AGO3: variants seen among roughly 807,000 people sequenced by gnomAD.
AGO3 encodes the protein argonaute RISC catalytic component 3.
AGO3 carries 16 observed loss-of-function variants against 105.5 expected under a neutral mutation model. The ratio of observed to expected loss-of-function variants is 0.15; its 90% confidence interval spans 0.10 to 0.23. AGO3 has a LOEUF of 0.23. AGO3 is among the 10% of genes least tolerant of loss of function. The pLI, the probability that AGO3 is intolerant of heterozygous loss-of-function variation, is 1.00. For missense variants in AGO3, 534 were observed against 1,088.0 expected (o/e 0.49, Z 7.16); for synonymous variants, 340 against 367.3 (o/e 0.93, Z 0.85).
chr1:35,940,598 G>A (rs1646236217), intron 1 of AGO3, among the ~76,000 whole-genome samples: 1 of 151,962 alleles, frequency 6.6e-6, no homozygotes, highest in African/African-American at 2.4e-5. Flanking sequence ...TGGATCCAAG[G>A]GCTTGATCAA....
At chr1:35,945,541 CAG>C in intron 1 of AGO3, 149 bp from the exon 2 acceptor site, 1 of 741,208 alleles carries the variant, frequency 1.3e-6, no homozygotes, top group Non-Finnish European at 2.2e-6. Flanking sequence ...TCTGGGGTGA[CAG>C]AAGTTGAAGT....
At chr1:36,002,012 AT>A (rs1412598260) in intron 5 of AGO3, among the ~76,000 whole-genome samples, 1 of 152,126 alleles carries the variant, frequency 6.6e-6, no homozygotes, top group African/African-American at 2.4e-5. Context: ...GTAGTAAAAA[AT>A]ATGTTAAAAA....
intron 2 of AGO3, among the ~76,000 whole-genome samples, chr1:35,965,820 CTTT>C (rs925988577): frequency 8.3e-6 from 1 of 120,166 alleles, no homozygotes. Flanking sequence ...TTGAATCTCT[CTTT>C]TTTTTTTTTT....
intron 2 of AGO3, among the ~76,000 whole-genome samples, chr1:35,959,093 A>G (rs529183952): frequency 6.6e-6 from 1 of 152,372 alleles, no homozygotes; most frequent in East Asian, 1.9e-4. Flanking sequence ...TACAACTCAC[A>G]GGAAAATAAT....
intron 5 of AGO3, among the ~76,000 whole-genome samples, chr1:35,998,562 T>C (rs1311714736): frequency 6.6e-6 from 1 of 152,170 alleles, no homozygotes; most frequent in Admixed American, 6.5e-5. Flanking sequence ...TATTTTCAGC[T>C]TGTTACCCTT....
intron 2 of AGO3, among the ~76,000 whole-genome samples, chr1:35,948,384 A>AT (rs1212558749): frequency 1.3e-5 from 2 of 151,520 alleles, no homozygotes; most frequent in East Asian, 3.9e-4. Flanking sequence ...TGACCAGCTA[A>AT]TTTTTTGTAT....
At chr1:36,051,788 A>G (rs898037104) in intron 17 of AGO3, among the ~76,000 whole-genome samples, 5 of 152,178 alleles carry the variant, frequency 3.3e-5, no homozygotes, top group South Asian at 2.1e-4. Flanking sequence ...AAATAGGCAA[A>G]TGTCTCAAGA....
intron 5 of AGO3, among the ~76,000 whole-genome samples, chr1:36,003,028 G>A (rs1402432229): frequency 1.3e-5 from 2 of 151,936 alleles, no homozygotes; most frequent in Non-Finnish European, 2.9e-5. Context: ...CCGAGATCGC[G>A]CCATTGCACT....
At chr1:36,015,313 A>G (rs752378129) in intron 11 of AGO3, among the ~76,000 whole-genome samples, 1 of 152,196 alleles carries the variant, frequency 6.6e-6, no homozygotes, top group Non-Finnish European at 1.5e-5. Context: ...TTTACATGCC[A>G]TCCCTGGGTA....
chr1:36,006,379 A>G (rs1640334180), intron 6 of AGO3, among the ~76,000 whole-genome samples: 6 of 152,162 alleles, frequency 3.9e-5, no homozygotes, highest in Non-Finnish European at 8.8e-5. Context: ...TGATAGTTAA[A>G]CAGCAGAAAT....
chr1:35,933,898 A>G (rs1289505496), intron 1 of AGO3, among the ~76,000 whole-genome samples: 1 of 152,140 alleles, frequency 6.6e-6, no homozygotes, highest in Non-Finnish European at 1.5e-5. Context: ...GAACACAAAT[A>G]CCATATAAGT....
chr1:36,038,462 A>G (rs981033673), intron 14 of AGO3, among the ~76,000 whole-genome samples: 23 of 152,040 alleles, frequency 1.5e-4, no homozygotes, highest in East Asian at 9.7e-4. Context: ...TCACTGTGTT[A>G]GCCAGGATGG....
chr1:36,049,567 G>A (rs1301708970), intron 17 of AGO3, among the ~76,000 whole-genome samples: 1 of 151,170 alleles, frequency 6.6e-6, no homozygotes, highest in Admixed American at 6.6e-5. Flanking sequence ...CTCACCATCT[G>A]GGTGTAATAT....
rs1016952965 is a variant in AGO3, at chr1:36,001,897, T to G, written c.659-2444T>G. On this transcript the variant is annotated intron_variant, in intron 5 of 18. Transcript: ENST00000373191. ...TGTATATCTCTGTATTGTTTGAGTT[T>G]TTATGATGAAACTTTATTCATGTAT... 2.6e-5 allele frequency among the ~76,000 whole-genome samples: 4 copies of G among 152,320 alleles called. No homozygotes were observed. The East Asian group carries it at 7.7e-4, about 29-fold the overall frequency.
At position 36,039,765 on chromosome 1, in the gene AGO3, ATTTAT is replaced by A. The variant is rs747708382; in HGVS notation, c.1843-20_1843-16del. 16 of 1,295,800 alleles carry A rather than the reference ATTTAT, an allele frequency of 1.2e-5. No homozygotes were observed. Among genetic ancestry groups the A allele is most frequent in the Non-Finnish European group, 1.6e-5 (16 of 987,664 alleles). The allele number at this position is 1,295,800 out of a possible 1,614,324, so 80.3% of individuals were successfully genotyped here. ...ATCATTTATTTTTATTTATTTATTT[ATTTAT>A]TTTACTTTTTCTAACCTAGGTTGTA... is the stretch of plus-strand genomic sequence containing the variant. On this transcript the variant is annotated intron_variant, in intron 14 of 18. Coordinates refer to ENST00000373191, the MANE Select transcript of AGO3 (RefSeq NM_024852.4).
intron 2 of AGO3, among the ~76,000 whole-genome samples, chr1:35,962,473 G>A (rs924283856): frequency 6.6e-6 from 1 of 151,784 alleles, no homozygotes; most frequent in East Asian, 1.9e-4. Context: ...AACCCAGGAG[G>A]GGGAGCTTGC....
At chr1:35,992,625 G>A (rs1410888964) in intron 5 of AGO3, among the ~76,000 whole-genome samples, 1 of 152,112 alleles carries the variant, frequency 6.6e-6, no homozygotes, top group African/African-American at 2.4e-5. Flanking sequence ...GTTATTAAAG[G>A]GCAGGGGCTT....
intron 2 of AGO3, among the ~76,000 whole-genome samples, chr1:35,953,565 G>T (rs1234375416): frequency 1.4e-5 from 2 of 142,562 alleles, no homozygotes; most frequent in African/African-American, 5.3e-5. Flanking sequence ...TTACTCTATT[G>T]CCCAGGCTGG....
At position 36,046,623 on chromosome 1, in the gene AGO3, TAAAAAAAAA is replaced by T. The variant is rs3073806; in HGVS notation, c.2274+3099_2274+3107del. On this transcript the variant is annotated intron_variant, in intron 17 of 18. Coordinates refer to ENST00000373191, the MANE Select transcript of AGO3 (RefSeq NM_024852.4). ...AACAGAGTGAGACTCAGTCTCTATTTAAAAAAAAAAAAAAAAAAAAAAAAAAAAAAAAGA... is the reference window on the plus strand; with the variant it reads ...AACAGAGTGAGACTCAGTCTCTATTTAAAAAAAAAAAAAAAAAAAAAAAGA... Among the ~76,000 whole-genome samples, 105 of 34,468 alleles carry T rather than the reference TAAAAAAAAA, an allele frequency of 3.0e-3. 2 individuals are homozygous for T. Among genetic ancestry groups the T allele is most frequent in the South Asian group, 0.013 (7 of 546 alleles). The allele number at this position is 34,468 out of a possible 152,430, so 22.6% of individuals were successfully genotyped here.
Sources: gnomAD v4.1 joint callset for allele counts (sites outside exome capture counted in the v4.1 genomes callset) on GRCh38, gnomAD v4.1.1 for gene constraint, MANE v1.5 for transcripts, NCBI Gene and HGNC (gene_info 2026-07-23, HGNC 2026-07-21) for gene names.